The following ADGRL3 variants were observed in gnomAD, a reference collection of about 807,000 sequenced individuals.
ADGRL3 encodes the protein adhesion G protein-coupled receptor L3.
ADGRL3 carries 62 observed loss-of-function variants against 153.5 expected under a neutral mutation model. The ratio of observed to expected loss-of-function variants is 0.40; its 90% confidence interval spans 0.33 to 0.50. The LOEUF (loss-of-function observed/expected upper bound fraction) is 0.50, where lower values mean the gene tolerates loss of function less well. Ranked by LOEUF, ADGRL3 falls within the 20% of genes least tolerant of loss-of-function variation. ADGRL3 has a pLI of 0.47. For synonymous variants in ADGRL3, 710 were observed against 672.5 expected (o/e 1.06, Z -0.86); for missense variants, 1,641 against 1,859.4 (o/e 0.88, Z 2.16).
chr4:61,746,990 G>A (rs1165553362), intron 8 of ADGRL3, among the ~76,000 whole-genome samples: 2 of 151,732 alleles, frequency 1.3e-5, no homozygotes, highest in African/African-American at 4.8e-5. Context: ...AAGAGAGAAT[G>A]ATCAAATAGA....
intron 2 of ADGRL3, among the ~76,000 whole-genome samples, chr4:61,409,150 A>C (rs2097047038): frequency 6.8e-6 from 1 of 147,632 alleles, no homozygotes; most frequent in African/African-American, 2.5e-5. Context: ...GAAAGTCACC[A>C]AAAAAATCCC....
intron 8 of ADGRL3, among the ~76,000 whole-genome samples, chr4:61,799,094 T>C (rs2152473664): frequency 6.8e-6 from 1 of 146,784 alleles, no homozygotes; most frequent in East Asian, 2.0e-4. Flanking sequence ...GATAGATAGA[T>C]AGATAGATAG....
intron 4 of ADGRL3, among the ~76,000 whole-genome samples, chr4:61,523,817 A>G (rs1560780366): frequency 1.3e-5 from 2 of 152,036 alleles, no homozygotes; most frequent in Non-Finnish European, 2.9e-5. Flanking sequence ...TGTAAATTAC[A>G]ATTTATATTC....
intron 4 of ADGRL3, among the ~76,000 whole-genome samples, chr4:61,530,578 C>T (rs2098606545): frequency 1.3e-5 from 2 of 152,126 alleles, no homozygotes; most frequent in Admixed American, 6.5e-5. Context: ...TATTCCAGTT[C>T]TGAGGGGGTG....
intron 1 of ADGRL3, among the ~76,000 whole-genome samples, chr4:61,212,874 A>G (rs1261926972): frequency 2.0e-5 from 3 of 152,150 alleles, no homozygotes; most frequent in Non-Finnish European, 4.4e-5. Flanking sequence ...TTATTAAGCA[A>G]ACTTTTGCGA....
At chr4:61,261,200 T>C (rs2092489085) in intron 1 of ADGRL3, among the ~76,000 whole-genome samples, 1 of 150,402 alleles carries the variant, frequency 6.6e-6, no homozygotes, top group African/African-American at 2.4e-5. Flanking sequence ...TTTTTTTTTT[T>C]TTTTTTTTTT....
chr4:61,595,369 C>G (rs1030434690), intron 5 of ADGRL3, among the ~76,000 whole-genome samples: 2 of 152,098 alleles, frequency 1.3e-5, no homozygotes, highest in African/African-American at 4.8e-5. Flanking sequence ...GTTCTTTAGT[C>G]AGCAGGTAAT....
chr4:61,310,506 A>G (rs1170505481), intron 1 of ADGRL3, among the ~76,000 whole-genome samples: 1 of 152,136 alleles, frequency 6.6e-6, no homozygotes, highest in Non-Finnish European at 1.5e-5. Context: ...CAAGTGATCA[A>G]TCCATTGGGA....
intron 2 of ADGRL3, among the ~76,000 whole-genome samples, chr4:61,413,126 A>G (rs79609862): frequency 0.031 from 4,698 of 152,228 alleles, 227 homozygotes; most frequent in East Asian, 0.21. Flanking sequence ...ATAGAAGTCC[A>G]CGTTCCACAC....
intron 1 of ADGRL3, among the ~76,000 whole-genome samples, chr4:61,363,743 T>C (rs533224957): frequency 6.6e-6 from 1 of 152,276 alleles, no homozygotes; most frequent in Admixed American, 6.5e-5. Flanking sequence ...GAGATAGTTC[T>C]GGATAGTTTA....
intron 19 of ADGRL3, among the ~76,000 whole-genome samples, chr4:61,991,659 T>G (rs2099104195): frequency 6.6e-6 from 1 of 151,908 alleles, no homozygotes; most frequent in Admixed American, 6.6e-5. Context: ...TTTTAAAAAT[T>G]CATGCACTTG....
intron 25 of ADGRL3, among the ~76,000 whole-genome samples, chr4:62,059,223 G>T (rs1047314604): frequency 6.6e-6 from 1 of 151,962 alleles, no homozygotes; most frequent in African/African-American, 2.4e-5. Context: ...ACATTAGGTG[G>T]TTCAAATGAG....
intron 2 of ADGRL3, among the ~76,000 whole-genome samples, chr4:61,438,607 C>G (rs1182107663): frequency 6.6e-6 from 1 of 151,820 alleles, no homozygotes; most frequent in African/African-American, 2.4e-5. Flanking sequence ...TAGGTCCTGG[C>G]ATTCGTATAG....
chr4:61,841,301 G>T (rs1253339159), intron 9 of ADGRL3, among the ~76,000 whole-genome samples: 1 of 124,902 alleles, frequency 8.0e-6, no homozygotes, highest in Non-Finnish European at 1.5e-5. Context: ...CAATAAGCTG[G>T]AGGCTCACGT....
intron 5 of ADGRL3, among the ~76,000 whole-genome samples, chr4:61,649,283 T>C (rs970636372): frequency 6.6e-6 from 1 of 152,136 alleles, no homozygotes; most frequent in South Asian, 2.1e-4. Context: ...CAGATATGTA[T>C]GCCTCTAGGA....
intron 20 of ADGRL3, among the ~76,000 whole-genome samples, chr4:61,997,291 C>G (rs2099125096): frequency 6.6e-6 from 1 of 150,480 alleles, no homozygotes; most frequent in Non-Finnish European, 1.5e-5. Context: ...GTGGAAAGAC[C>G]ATGGACAGCC....
intron 9 of ADGRL3, among the ~76,000 whole-genome samples, chr4:61,851,993 A>G (rs972083143): frequency 3.3e-5 from 5 of 152,186 alleles, no homozygotes; most frequent in Non-Finnish European, 1.5e-5. Flanking sequence ...TGTCATAGGT[A>G]AATGTATGGT....
intron 8 of ADGRL3, among the ~76,000 whole-genome samples, chr4:61,746,511 G>C (rs539992511): frequency 3.2e-4 from 49 of 151,176 alleles, no homozygotes; most frequent in African/African-American, 4.4e-4. Flanking sequence ...AACTCTCTCT[G>C]AGACCACAGT....
chr4:61,864,967 A>G (rs2098385769), intron 9 of ADGRL3, among the ~76,000 whole-genome samples: 1 of 152,176 alleles, frequency 6.6e-6, no homozygotes, highest in South Asian at 2.1e-4. Flanking sequence ...CACGTTTGTT[A>G]CTTTGACTCA....
Sources: gnomAD v4.1 joint callset for allele counts (sites outside exome capture counted in the v4.1 genomes callset) on GRCh38, gnomAD v4.1.1 for gene constraint, MANE v1.5 for transcripts, NCBI Gene and HGNC (gene_info 2026-07-23, HGNC 2026-07-21) for gene names.